The following STIM1 variants were observed in gnomAD, a reference collection of about 807,000 sequenced individuals.
The protein encoded by STIM1 is stromal interaction molecule 1.
STIM1 carries 25 observed loss-of-function variants against 74.7 expected under a neutral mutation model. That is an observed-to-expected ratio of 0.33 (90% CI 0.24 to 0.47). The LOEUF (loss-of-function observed/expected upper bound fraction) is 0.47. Among genes scored for constraint, STIM1 ranks in the 20% least tolerant of loss-of-function variants. The pLI is 1.00. For synonymous variants in STIM1, 328 were observed against 348.8 expected (o/e 0.94, Z 0.66); for missense variants, 728 against 920.8 (o/e 0.79, Z 2.71).
chr11:4,088,813 A>T (rs778800415), intron 12 of STIM1: 21 of 1,454,274 alleles, frequency 1.4e-5, no homozygotes, highest in Non-Finnish European at 1.9e-5. Context: ...GTTCTCAGTG[A>T]TTCAGGGAGG....
chr11:3,892,492 C>T (rs565558025), intron 1 of STIM1: 29 of 1,548,286 alleles, frequency 1.9e-5, no homozygotes, highest in African/African-American at 8.1e-5. Flanking sequence ...TGCCTTCTTT[C>T]GCCTTGCCAA....
At chr11:3,914,390 C>T (rs2092611035) in intron 1 of STIM1, among the ~76,000 whole-genome samples, 1 of 151,978 alleles carries the variant, frequency 6.6e-6, no homozygotes, top group Non-Finnish European at 1.5e-5. Context: ...AATATTTAGA[C>T]TGCTATGCTA....
At chr11:3,973,021 T>C in intron 2 of STIM1, 1 of 486,242 alleles carries the variant, frequency 2.1e-6, no homozygotes, top group Non-Finnish European at 4.1e-6. Flanking sequence ...TCTGCCTCCA[T>C]CGTTGTTATA....
At position 4,083,272 on chromosome 11, in the gene STIM1, G is replaced by T; in HGVS notation, c.1248G>T (p.Leu416=). The T allele has an allele frequency of 6.2e-7, 1 of 1,614,184 alleles. No homozygotes were observed. The highest frequency in any genetic ancestry group is 1.1e-5 in the South Asian group (1 of 91,074). ...TTTCCTCTGTCTTCAGGCAAGCACTGAGCGAGGTGACAGCAGCATTGCGGG... is the reference window on the plus strand; with the variant it reads ...TTTCCTCTGTCTTCAGGCAAGCACTTAGCGAGGTGACAGCAGCATTGCGGG... ...DHKILTAKQA[L]SEVTAALRER... is the part of the protein sequence containing the mutation. The change falls in exon 10 of 13, where the codon CTG becomes CTT. Residue 416 remains leucine (L), a synonymous_variant. Coordinates refer to ENST00000526596, the MANE Select transcript of STIM1 (RefSeq NM_001382567.1).
rs539932098 is a variant in STIM1 at position 4,085,483 on chromosome 11, C to G, written c.1567+718C>G. Among the ~76,000 whole-genome samples, 9 of 152,250 alleles carry G rather than the reference C, an allele frequency of 5.9e-5. No homozygotes were observed. In the East Asian group the frequency reaches 1.5e-3, roughly 26 times the overall value. ...GCATAGTGGCCATTATCTCCAGGAC[C>G]CCGATTTGCAGCCTGATCCAAGAGC... is the stretch of plus-strand genomic sequence containing the variant. On this transcript the variant is annotated intron_variant, in intron 11 of 12. Transcript: ENST00000526596.
At chr11:4,016,127 C>G (rs2093894415) in intron 2 of STIM1, among the ~76,000 whole-genome samples, 1 of 152,142 alleles carries the variant, frequency 6.6e-6, no homozygotes, top group African/African-American at 2.4e-5. Flanking sequence ...AAGAGGCGTT[C>G]CAGTTTTTGG....
chr11:3,976,048 TA>T (rs1441782096), intron 2 of STIM1, among the ~76,000 whole-genome samples: 3 of 152,250 alleles, frequency 2.0e-5, no homozygotes. Flanking sequence ...ATAGTATCTT[TA>T]TTTGTGATTG....
At chr11:3,869,981 C>T (rs367743370) in intron 1 of STIM1, among the ~76,000 whole-genome samples, 3 of 152,022 alleles carry the variant, frequency 2.0e-5, no homozygotes, top group African/African-American at 7.3e-5. Context: ...ACTGGTGGTG[C>T]CATTAGCAGA....
chr11:4,070,338 T>C, intron 6 of STIM1, 135 bp downstream of exon 6: 1 of 985,914 alleles, frequency 1.0e-6, no homozygotes, highest in East Asian at 2.6e-5. Flanking sequence ...CTTCCAAAAC[T>C]GCATTGCAAG....
rs765343221 is a variant in STIM1 at position 3,856,136 on chromosome 11, G to T, written c.-135G>T. 2.5e-6 allele frequency: 3 copies of T among 1,204,120 alleles called. No homozygotes were observed. Among genetic ancestry groups the T allele is most frequent in the Admixed American group, 3.6e-5 (2 of 55,122 alleles). The allele number at this position is 1,204,120 out of a possible 1,614,324, so 74.6% of individuals were successfully genotyped here. On this transcript the variant is annotated 5_prime_UTR_variant, in exon 1 of 13. Coordinates refer to ENST00000526596, the MANE Select transcript of STIM1 (RefSeq NM_001382567.1). ...TTTGGCTGTTGGAGGGGGCAGGCTC[G>T]CGGGTGGCTGGACAGCTGCGGAGCC...
intron 7 of STIM1, 71 bp downstream of exon 7, chr11:4,074,750 A>C (rs1038456472): frequency 1.2e-5 from 18 of 1,488,232 alleles, no homozygotes; most frequent in African/African-American, 1.4e-5. Flanking sequence ...GTCTGGCTAG[A>C]AAGTTACATG....
intron 5 of STIM1, 131 bp from the exon 6 acceptor site, chr11:4,069,892 AGAG>A: frequency 1.0e-6 from 1 of 957,136 alleles, no homozygotes; most frequent in Non-Finnish European, 1.7e-6. Context: ...GTATCTAAGA[AGAG>A]AAACTAATTC....
In STIM1 at chr11:3,895,743, TCTTCCTTCCTTCCTTC is replaced by T. The variant is rs1162065358; in HGVS notation, c.139+39382_139+39397del. Among the ~76,000 whole-genome samples the T allele has an allele frequency of 3.3e-3, 113 of 34,516 alleles. 2 individuals are homozygous for T. The highest frequency in any genetic ancestry group is 3.9e-3 in the Non-Finnish European group (81 of 20,908). 22.6% of individuals were successfully genotyped at this position (34,516 alleles called of 152,430 possible). A position where few individuals can be genotyped will look rare whatever the true frequency, so the allele number is the denominator to read the frequency against. ...CTTTCTTTCTTTCTTTCTTTTTCTT[TCTTCCTTCCTTCCTTC>T]CTTCCTTCCTTCCTTCCTTCCTTCC... is the stretch of plus-strand genomic sequence containing the variant. On this transcript the variant is annotated intron_variant, in intron 1 of 12. Transcript: ENST00000526596.
chr11:4,086,541 G>A lies in STIM1; in HGVS notation c.1632G>A (p.Gln544=). ...AGCCACAGCATGGCCTGGGATCTCA[G>A]AGGTTGGTAGAGGGCGAGGCTGGCC... The part of the protein sequence containing the change: ...LTEPQHGLGS[Q]RDLTHSDSES... The change falls in exon 12 of 13, where the codon CAG becomes CAA. Residue 544 remains glutamine, a splice_region_variant and synonymous_variant. Transcript: ENST00000526596. 1 of 1,614,146 alleles carries A rather than the reference G, an allele frequency of 6.2e-7. No homozygotes were observed.
intron 1 of STIM1, among the ~76,000 whole-genome samples, chr11:3,927,753 G>A (rs1461227739): frequency 2.0e-5 from 3 of 152,178 alleles, no homozygotes; most frequent in South Asian, 2.1e-4. Flanking sequence ...AGTTTTAGGC[G>A]TTGTTCTCGG....
At chr11:3,986,135 A>G (rs1379772410) in intron 2 of STIM1, among the ~76,000 whole-genome samples, 1 of 152,176 alleles carries the variant, frequency 6.6e-6, no homozygotes, top group Non-Finnish European at 1.5e-5. Context: ...TACTACCTAG[A>G]AAGGTCTCAC....
intron 2 of STIM1, among the ~76,000 whole-genome samples, chr11:4,005,797 G>A (rs73429634): frequency 0.012 from 1,899 of 152,172 alleles, 44 homozygotes; most frequent in African/African-American, 0.044. Context: ...GAGACTAGAC[G>A]TACAAAGATA....
upstream of STIM1, chr11:3,855,353 T>C (rs1352308665): frequency 6.6e-6 from 1 of 151,436 alleles, no homozygotes; most frequent in African/African-American, 2.4e-5. Flanking sequence ...CAGGCCTGAG[T>C]TACCTGAGTA....
rs548155138 is a variant in STIM1, at chr11:4,002,383, C to G, written c.271-21490C>G. On this transcript the variant is annotated intron_variant, in intron 2 of 12. Transcript: ENST00000526596. The stretch of plus-strand genomic sequence containing the variant: ...GTAAAAGATCAGACATTATAACAAA[C>G]TGTCTCTCAGACCACAGTGCAATCA... 4.8e-4 allele frequency among the ~76,000 whole-genome samples: 73 copies of G among 152,318 alleles called. No individual in the cohort carries two copies. In the East Asian group the frequency reaches 0.013, roughly 28 times the overall value.
Sources: gnomAD v4.1 joint callset for allele counts (sites outside exome capture counted in the v4.1 genomes callset) on GRCh38, gnomAD v4.1.1 for gene constraint, MANE v1.5 for transcripts, NCBI Gene and HGNC (gene_info 2026-07-23, HGNC 2026-07-21) for gene names.